Variants in TLR3 observed in about 807,000 individuals in gnomAD.
TLR3 encodes toll like receptor 3, also known as toll-like receptor 3.
TLR3 carries 43 observed loss-of-function variants against 66.4 expected under a neutral mutation model. The observed-to-expected ratio is 0.65, with a 90% CI of 0.51 to 0.83. The LOEUF is 0.83. Among genes scored for constraint, TLR3 ranks in the 40% least tolerant of loss-of-function variants. The pLI is 0.00. For missense variants in TLR3, 982 were observed against 1,044.6 expected (o/e 0.94, Z 0.83); for synonymous variants, 397 against 397.2 (o/e 1.00, Z 0.01).
intron 3 of TLR3, among the ~76,000 whole-genome samples, chr4:186,079,566 G>A (rs918193068): frequency 1.3e-5 from 2 of 152,334 alleles, no homozygotes; most frequent in Non-Finnish European, 1.5e-5. Context: ...GGCGTAGGCA[G>A]TGCTCAGGAA....
At chr4:186,084,599 C>A in intron 4 of TLR3, 46 bp from the exon 5 acceptor site, 1 of 1,266,060 alleles carries the variant, frequency 7.9e-7, no homozygotes, top group Non-Finnish European at 1.1e-6. Flanking sequence ...TTGCTTCTGG[C>A]TGTTAAAAAC....
rs769509200 is a variant in TLR3 at position 186,083,558 on chromosome 4, C to T, written c.1872C>T (p.Ser624=). The part of the protein sequence containing the change: ...SLNLQKNLIT[S]VEKKVFGPAF... The stretch of plus-strand genomic sequence containing the variant: ...ACCTTCAGAAGAATCTCATAACATC[C>T]GTTGAGAAGAAGGTTTTCGGGCCAG... Residue 624 remains serine (S), a synonymous_variant, in exon 4 of 5, where the codon TCC becomes TCT. Coordinates refer to ENST00000296795, the MANE Select transcript of TLR3 (RefSeq NM_003265.3). This position sits in a 1 kb window ranked among gnomAD's most constrained non-coding sequence, Gnocchi z 4.0. The T allele has an allele frequency of 1.2e-5, 19 of 1,613,060 alleles. No homozygotes were observed. The highest frequency in any genetic ancestry group is 2.2e-5 in the South Asian group (2 of 90,732).
In TLR3 at chr4:186,082,638, T is replaced by A. The variant is rs774639535; in HGVS notation, c.952T>A (p.Leu318Met). ...NNIQHLFSHS[L>M]HGLFNVRYLN... ...TATACAGCATTTGTTTTCTCACTCT[T>A]TGCACGGGCTTTTCAATGTGAGGTA... Residue 318 changes from leucine (L) to methionine (M), a missense_variant, in exon 4 of 5, where the codon TTG becomes ATG. By Grantham distance (15) the Leu-to-Met change is conservative. This residue lies in a region of TLR3 where 666 missense variants were observed against 709.0 expected (regional missense o/e 0.94). Transcript: ENST00000296795. 7.3e-5 allele frequency: 118 copies of A among 1,613,970 alleles called. No individual in the cohort carries two copies. The highest frequency in any genetic ancestry group is 5.1e-5 in the Non-Finnish European group (60 of 1,179,952).
rs770716910 is a variant in TLR3, at chr4:186,082,509, A to G, written c.823A>G (p.Asn275Asp). ...AACTTTCTTGGGACTAAAGTGGACA[A>G]ATCTCACTATGCTCGATCTTTCCTA... ...NTTFLGLKWT[N>D]LTMLDLSYNN... The change falls in exon 4 of 5, where the codon AAT (asparagine) becomes GAT (aspartate). Residue 275 changes from asparagine (N) to aspartate (D), a missense_variant. Around this residue, in one of 3 missense-constraint regions of TLR3, gnomAD observed 313 missense variants for 319.0 expected, o/e 0.98. Coordinates refer to ENST00000296795, the MANE Select transcript of TLR3 (RefSeq NM_003265.3). 1.2e-6 allele frequency: 2 copies of G among 1,614,176 alleles called. No individual in the cohort carries two copies. Among genetic ancestry groups the G allele is most frequent in the East Asian group, 2.2e-5 (1 of 44,874 alleles).
chr4:186,071,656 G>A (rs2099301493), intron 1 of TLR3, among the ~76,000 whole-genome samples: 1 of 149,518 alleles, frequency 6.7e-6, no homozygotes, highest in Admixed American at 6.8e-5. Context: ...CCATGAGATG[G>A]GAATATTAGT....
At chr4:186,070,079 AT>A (rs2099301176) in intron 1 of TLR3, among the ~76,000 whole-genome samples, 1 of 152,274 alleles carries the variant, frequency 6.6e-6, no homozygotes, top group South Asian at 2.1e-4. Context: ...TGTGAATTCC[AT>A]GTGCCCTCAC....
rs749872617 is a variant in TLR3, at chr4:186,084,778, C to T, written c.2620C>T (p.His874Tyr). 6.2e-6 allele frequency: 10 copies of T among 1,613,956 alleles called. No individual in the cohort carries two copies. In the Middle Eastern group the frequency reaches 6.6e-4, roughly 106 times the overall value. The change falls in exon 5 of 5, where the codon CAC (histidine) becomes TAC (tyrosine). Residue 874 changes from histidine to tyrosine, a missense_variant. By Grantham distance (83) the His-to-Tyr change is moderately conservative. Transcript: ENST00000296795. ...LCLRRGMFKSHCILNWPVQKE... is the reference protein window; with the variant it reads ...LCLRRGMFKSYCILNWPVQKE... ...TTTGCGAAGAGGAATGTTTAAATCT[C>T]ACTGCATCTTGAACTGGCCAGTTCA...
At position 186,084,116 on chromosome 4, in the gene TLR3, CA is replaced by C; in HGVS notation, c.2431del (p.Arg811GlufsTer7). 6.2e-7 allele frequency: 1 copy of C among 1,613,860 alleles called. No homozygotes were observed. The highest frequency in any genetic ancestry group is 1.1e-5 in the South Asian group (1 of 90,986). On this transcript the variant is annotated frameshift_variant, in exon 4 of 5. Coordinates refer to ENST00000296795, the MANE Select transcript of TLR3 (RefSeq NM_003265.3). LOFTEE classifies it high-confidence loss of function. ...EAIVNSIKRS[R>X]KIIFVITHHL... ...CAATTGTTAACAGCATCAAAAGAAG[CA>C]GAAAAATTATTTTTGTTATAACACA...
intron 1 of TLR3, among the ~76,000 whole-genome samples, chr4:186,072,226 G>A (rs940429591): frequency 2.6e-5 from 4 of 152,210 alleles, no homozygotes; most frequent in African/African-American, 9.6e-5. Flanking sequence ...CACCACAGAA[G>A]GCAAAGCCAG....
chr4:186,069,625 G>C (rs2099301096), intron 1 of TLR3, among the ~76,000 whole-genome samples: 1 of 152,198 alleles, frequency 6.6e-6, no homozygotes, highest in South Asian at 2.1e-4. Context: ...AACTCCAAGA[G>C]GTTAAAAGAG....
In TLR3 at chr4:186,084,885, TA is replaced by T; in HGVS notation, c.*13del. ...ACTCTGTACATTAAATTTATTTAAA[TA>T]TTCAATTAGCAAAGGAGAAACTTTC... On this transcript the variant is annotated 3_prime_UTR_variant, in exon 5 of 5. Transcript: ENST00000296795. 1 of 1,595,876 alleles carries T rather than the reference TA, an allele frequency of 6.3e-7. No individual in the cohort carries two copies. Among genetic ancestry groups the T allele is most frequent in the Non-Finnish European group, 8.6e-7 (1 of 1,164,710 alleles).
chr4:186,072,208 C>A (rs1343021872), intron 1 of TLR3, among the ~76,000 whole-genome samples: 2 of 152,238 alleles, frequency 1.3e-5, no homozygotes. Context: ...CCTCAAGGAG[C>A]TTTCACCCAC....
rs746688951 is a variant in TLR3 at position 186,082,863 on chromosome 4, T to A, written c.1177T>A (p.Leu393Met). 6 of 1,613,678 alleles carry A rather than the reference T, an allele frequency of 3.7e-6. No homozygotes were observed. In the East Asian group the frequency reaches 1.1e-4, roughly 30 times the overall value. The change falls in exon 4 of 5, where the codon TTG becomes ATG. Residue 393 changes from leucine (L) to methionine (M), a missense_variant. Around this residue, in one of 3 missense-constraint regions of TLR3, gnomAD observed 666 missense variants for 709.0 expected, o/e 0.94. Transcript: ENST00000296795. ...AAGTCTATCCAACTCCTTTACAAGT[T>A]TGCGAACTTTGACAAATGAAACATT... The part of the protein sequence containing the change: ...YLSLSNSFTS[L>M]RTLTNETFVS...
chr4:186,079,632 A>G (rs1316483166), intron 3 of TLR3, among the ~76,000 whole-genome samples: 1 of 152,214 alleles, frequency 6.6e-6, no homozygotes, highest in Non-Finnish European at 1.5e-5. Context: ...GTCAGCTTAA[A>G]TAACTGACAG....
chr4:186,079,168 C>A, intron 3 of TLR3, 137 bp downstream of exon 3: 1 of 821,100 alleles, frequency 1.2e-6, no homozygotes, highest in Non-Finnish European at 1.9e-6. Flanking sequence ...TGCTTGGGGG[C>A]ATTGGTGTCA....
intron 1 of TLR3, 95 bp from the exon 2 acceptor site, chr4:186,076,518 A>G: frequency 2.6e-6 from 3 of 1,162,562 alleles, no homozygotes; most frequent in Non-Finnish European, 3.8e-6. Flanking sequence ...ACATGGTCAT[A>G]TTTTGGTGAT....
chr4:186,084,756 G>A lies in TLR3; in HGVS notation c.2598G>A (p.Leu866=), dbSNP rs2099304095. The stretch of plus-strand genomic sequence containing the variant: ...ATAAACTGAACCATGCACTCTGTTT[G>A]CGAAGAGGAATGTTTAAATCTCACT... ...PDYKLNHALC[L]RRGMFKSHCI... is the part of the protein sequence containing the mutation. The change falls in exon 5 of 5, where the codon TTG becomes TTA. Residue 866 remains leucine (L), a synonymous_variant. Coordinates refer to ENST00000296795, the MANE Select transcript of TLR3 (RefSeq NM_003265.3). The A allele has an allele frequency of 1.2e-6, 2 of 1,614,006 alleles. No homozygotes were observed. Among genetic ancestry groups the A allele is most frequent in the South Asian group, 1.1e-5 (1 of 91,066 alleles).
Position 186,082,602 on chromosome 4 carries a change from G to T in TLR3, c.916G>T (p.Glu306Ter). The change falls in exon 4 of 5, where the codon GAG (glutamate) becomes TAG (stop). Residue 306 changes from glutamate (E) to a stop codon, truncating the protein, a stop_gained. Transcript: ENST00000296795. LOFTEE classifies it high-confidence loss of function. Reference protein sequence around the residue: ...WLPQLEYFFLEYNNIQHLFSH... With the variant: ...WLPQLEYFFL ...TCCACAACTAGAATATTTCTTCCTA[G>T]AGTATAATAATATACAGCATTTGTT... The T allele has an allele frequency of 6.2e-7, 1 of 1,614,118 alleles. No individual in the cohort carries two copies. The highest frequency in any genetic ancestry group is 8.5e-7 in the Non-Finnish European group (1 of 1,180,020).
chr4:186,086,452 T>G lies in TLR3; in HGVS notation c.*1579T>G, dbSNP rs2099304377. On this transcript the variant is annotated 3_prime_UTR_variant, in exon 5 of 5. Coordinates refer to ENST00000296795, the MANE Select transcript of TLR3 (RefSeq NM_003265.3). ...GAATGAGAAATATCCACTGTACCTC[T>G]GGTTCTGAAGAGTCTATAGTCGGCC... The G allele has an allele frequency of 6.6e-6, 1 of 152,366 alleles. No homozygotes were observed. Among genetic ancestry groups the G allele is most frequent in the East Asian group, 1.9e-4 (1 of 5,196 alleles). The allele number at this position is 152,366 out of a possible 1,614,324, so 9.4% of individuals were successfully genotyped here.
Sources: allele counts gnomAD v4.1 joint callset (sites outside exome capture counted in the v4.1 genomes callset), GRCh38; gene constraint gnomAD v4.1.1; regional missense constraint gnomAD v4.1.1; non-coding constraint Gnocchi (gnomAD v3.1); transcripts MANE v1.5; gene names NCBI Gene and HGNC (gene_info 2026-07-23, HGNC 2026-07-21).